Variants in CABIN1 observed in about 807,000 individuals in gnomAD.
CABIN1 encodes calcineurin-binding protein cabin-1.
A neutral mutation model predicts 227.7 loss-of-function variants in CABIN1; 133 were observed. That is an observed-to-expected ratio of 0.58 (90% CI 0.51 to 0.67). The LOEUF is 0.67. CABIN1 is among the 30% of genes least tolerant of loss of function. The pLI is 0.00. For missense variants in CABIN1, 2,408 were observed against 2,852.5 expected (o/e 0.84, Z 3.55); for synonymous variants, 1,086 against 1,155.1 (o/e 0.94, Z 1.21).
intron 26 of CABIN1, among the ~76,000 whole-genome samples, chr22:24,109,464 C>T (rs1050471637): frequency 6.6e-5 from 10 of 152,046 alleles, no homozygotes; most frequent in African/African-American, 2.4e-4. Context: ...AATCCTCCCT[C>T]CTTGGCCTCC....
intron 32 of CABIN1, 126 bp downstream of exon 32, chr22:24,167,439 C>A (rs2046519725): frequency 1.3e-6 from 1 of 785,768 alleles, no homozygotes; most frequent in Non-Finnish European, 2.1e-6. Context: ...GTTCCCACAC[C>A]ATCCCTGCTG....
intron 1 of CABIN1, among the ~76,000 whole-genome samples, chr22:24,029,517 A>G (rs2036339365): frequency 6.6e-6 from 1 of 152,114 alleles, no homozygotes; most frequent in Admixed American, 6.6e-5. Flanking sequence ...AGATTGTGCC[A>G]CTGCACTCCA....
At chr22:24,055,900 C>T (rs1020171983) in intron 9 of CABIN1, among the ~76,000 whole-genome samples, 3 of 152,172 alleles carry the variant, frequency 2.0e-5, no homozygotes, top group Non-Finnish European at 4.4e-5. Flanking sequence ...GAAGTTCAGC[C>T]GACCAGTGAG....
chr22:24,072,561 G>C (rs780788050), intron 18 of CABIN1, 51 bp downstream of exon 18: 2 of 1,609,150 alleles, frequency 1.2e-6, no homozygotes, highest in South Asian at 2.2e-5. Flanking sequence ...CCATGTCCTT[G>C]CCCCTGTCCT....
Position 24,050,839 on chromosome 22 carries a change from A to T in CABIN1, c.671A>T (p.His224Leu). The change falls in exon 8 of 37, where the codon CAC becomes CTC. Residue 224 changes from histidine to leucine, a missense_variant. By Grantham distance (99) the His-to-Leu change is moderately conservative. Around this residue, in one of 3 missense-constraint regions of CABIN1, gnomAD observed 1,045 missense variants for 1,168.4 expected, o/e 0.89. Transcript: ENST00000263119. ...RMFLKCDMSIHDVSVSAAETQ... is the reference protein window; with the variant it reads ...RMFLKCDMSILDVSVSAAETQ... ...CATGCTTTTAGTGACATGTCGATTCACGATGTTTCGGTGAGTGCAGCTGAG... is the reference window on the plus strand; with the variant it reads ...CATGCTTTTAGTGACATGTCGATTCTCGATGTTTCGGTGAGTGCAGCTGAG... 1 of 1,614,172 alleles carries T rather than the reference A, an allele frequency of 6.2e-7. No individual in the cohort carries two copies. Among genetic ancestry groups the T allele is most frequent in the Non-Finnish European group, 8.5e-7 (1 of 1,180,050 alleles).
chr22:24,014,293 G>A (rs547373233), intron 1 of CABIN1, among the ~76,000 whole-genome samples: 1 of 152,116 alleles, frequency 6.6e-6, no homozygotes, highest in Non-Finnish European at 1.5e-5. Flanking sequence ...TGTAGGCCAT[G>A]GATATGTATT....
rs1267427982 is a variant in CABIN1, at chr22:24,016,029, G to A, written c.-75+4662G>A. Among the ~76,000 whole-genome samples the A allele has an allele frequency of 3.3e-5, 5 of 152,160 alleles. No homozygotes were observed. In the East Asian group the frequency reaches 5.8e-4, roughly 18 times the overall value. On this transcript the variant is annotated intron_variant, in intron 1 of 36. Coordinates refer to ENST00000263119, the MANE Select transcript of CABIN1 (RefSeq NM_012295.4). ...CATACCTTACAATTGACCGATTTAA[G>A]TATACAATTGAGTGGTTTTTAGTAC...
chr22:24,074,177 G>A (rs562476978), intron 18 of CABIN1, among the ~76,000 whole-genome samples: 55 of 151,962 alleles, frequency 3.6e-4, no homozygotes, highest in Admixed American at 5.2e-4. Flanking sequence ...AAAATAACAC[G>A]AAAAGACTTC....
At chr22:24,142,981 A>G (rs538175907) in intron 29 of CABIN1, among the ~76,000 whole-genome samples, 67 of 152,268 alleles carry the variant, frequency 4.4e-4, no homozygotes, top group Non-Finnish European at 8.5e-4. Flanking sequence ...TTCAAGGAGC[A>G]TAATACCTGC....
chr22:24,092,615 G>A (rs900207270), intron 24 of CABIN1, among the ~76,000 whole-genome samples: 5 of 151,920 alleles, frequency 3.3e-5, no homozygotes, highest in African/African-American at 1.2e-4. Context: ...TGCCCAGCAA[G>A]CCTCTTGGAG....
At position 24,178,526 on chromosome 22, in the gene CABIN1, G is replaced by A; in HGVS notation, c.*330G>A. 3 of 379,750 alleles carry A rather than the reference G, an allele frequency of 7.9e-6. No homozygotes were observed. Among genetic ancestry groups the A allele is most frequent in the South Asian group, 4.8e-5 (2 of 42,086 alleles). The allele number at this position is 379,750 out of a possible 1,614,324, so 23.5% of individuals were successfully genotyped here. On this transcript the variant is annotated 3_prime_UTR_variant, in exon 37 of 37. Transcript: ENST00000263119. ...CTGGCCATATCCACCCCTCGACGCC[G>A]GGATGAGCCGGCTCTGCCTGTGTCA...
intron 28 of CABIN1, among the ~76,000 whole-genome samples, chr22:24,130,575 T>G (rs974926858): frequency 6.6e-6 from 1 of 152,160 alleles, no homozygotes; most frequent in Admixed American, 6.5e-5. Flanking sequence ...GGTTCTATGC[T>G]GCAGGTGCAC....
At chr22:24,095,623 G>T (rs2041843784) in intron 24 of CABIN1, among the ~76,000 whole-genome samples, 1 of 152,322 alleles carries the variant, frequency 6.6e-6, no homozygotes, top group Non-Finnish European at 1.5e-5. Context: ...GCACTGTGGC[G>T]GGAGGCAGTG....
chr22:24,109,221 C>CTT (rs869266886), intron 26 of CABIN1, among the ~76,000 whole-genome samples: 6 of 133,296 alleles, frequency 4.5e-5, no homozygotes, highest in Admixed American at 7.6e-5. Context: ...TTATATTTTG[C>CTT]TTTTTTTTTT....
At chr22:24,156,771 G>A (rs1476903226) in intron 29 of CABIN1, among the ~76,000 whole-genome samples, 1 of 152,194 alleles carries the variant, frequency 6.6e-6, no homozygotes, top group African/African-American at 2.4e-5. Flanking sequence ...GCATGGGATG[G>A]GGGGTGGGCA....
intron 1 of CABIN1, among the ~76,000 whole-genome samples, chr22:24,016,095 C>A (rs549004825): frequency 1.5e-3 from 225 of 152,328 alleles, no homozygotes; most frequent in African/African-American, 5.2e-3. Flanking sequence ...CATTTTAGAA[C>A]ATTTTTATCA....
chr22:24,028,894 G>C (rs916434821), intron 1 of CABIN1, among the ~76,000 whole-genome samples: 1 of 152,200 alleles, frequency 6.6e-6, no homozygotes, highest in Non-Finnish European at 1.5e-5. Context: ...AGGCTATTAA[G>C]AGGGACAGAC....
intron 17 of CABIN1, 89 bp from the exon 18 acceptor site, chr22:24,072,265 T>A: frequency 7.0e-7 from 1 of 1,423,622 alleles, no homozygotes. Context: ...ACATACCAGC[T>A]CCCCAAGAGG....
In CABIN1 at chr22:24,177,992, G is replaced by T; in HGVS notation, c.6520-61G>T. On this transcript the variant is annotated intron_variant, in intron 36 of 36. Transcript: ENST00000263119. This position sits in a 1 kb window ranked among gnomAD's most constrained non-coding sequence, Gnocchi z 4.4. The stretch of plus-strand genomic sequence containing the variant: ...GCCTGGGGCAGGGGTGAAGGTGGCA[G>T]AGGGGCTTGGGGCAGAGCCCAGCCA... 1 of 1,609,152 alleles carries T rather than the reference G, an allele frequency of 6.2e-7. No homozygotes were observed. Among genetic ancestry groups the T allele is most frequent in the South Asian group, 1.1e-5 (1 of 90,922 alleles).
Sources: allele counts gnomAD v4.1 joint callset (sites outside exome capture counted in the v4.1 genomes callset), GRCh38; gene constraint gnomAD v4.1.1; regional missense constraint gnomAD v4.1.1; non-coding constraint Gnocchi (gnomAD v3.1); transcripts MANE v1.5; gene names NCBI Gene and HGNC (gene_info 2026-07-23, HGNC 2026-07-21).